SENP6: variants seen among roughly 807,000 people sequenced by gnomAD.
SENP6 encodes SUMO specific peptidase 6.
A neutral mutation model predicts 134.5 loss-of-function variants in SENP6; 41 were observed. The observed-to-expected ratio is 0.30, with a 90% confidence interval of 0.24 to 0.40. The LOEUF (loss-of-function observed/expected upper bound fraction) is 0.40. Among genes scored for constraint, SENP6 ranks in the 10% least tolerant of loss-of-function variants. The pLI is 1.00. For missense variants in SENP6, 1,248 were observed against 1,312.5 expected, an observed-to-expected ratio of 0.95 and a Z score of 0.76; for synonymous variants, 395 against 429.8, an observed-to-expected ratio of 0.92 and a Z score of 1.00.
chr6:75,673,846 C>T (rs902062014), intron 11 of SENP6, among the ~76,000 whole-genome samples: 2 of 151,650 alleles, frequency 1.3e-5, no homozygotes, highest in Non-Finnish European at 2.9e-5. Context: ...CATGGTAAAA[C>T]CCCATCTCTA....
intron 9 of SENP6, among the ~76,000 whole-genome samples, chr6:75,665,129 A>G (rs1253975569): frequency 6.6e-6 from 1 of 152,046 alleles, no homozygotes; most frequent in Non-Finnish European, 1.5e-5. Context: ...TACTAAAAAT[A>G]TAAAAAATTA....
At chr6:75,630,345 C>T (rs1393413413) in intron 3 of SENP6, among the ~76,000 whole-genome samples, 1 of 152,162 alleles carries the variant, frequency 6.6e-6, no homozygotes, top group Non-Finnish European at 1.5e-5. Context: ...GCTGGGATTA[C>T]AGGTTTGAGC....
In SENP6 at chr6:75,624,368, A is replaced by C. The variant is rs553033161; in HGVS notation, c.207+408A>C. Among the ~76,000 whole-genome samples, 22 of 152,268 alleles carry C rather than the reference A, an allele frequency of 1.4e-4. 1 individual carries two copies. In the South Asian group the frequency reaches 3.5e-3, roughly 24 times the overall value. ...TGTCAACTTTTTAATTTTTTTCTAA[A>C]ATAATCTGTAAATTAGCCTTCTATA... On this transcript the variant is annotated intron_variant, in intron 3 of 23. Coordinates refer to ENST00000447266, the MANE Select transcript of SENP6 (RefSeq NM_015571.4).
At chr6:75,673,742 T>C (rs898318803) in intron 11 of SENP6, among the ~76,000 whole-genome samples, 1 of 152,106 alleles carries the variant, frequency 6.6e-6, no homozygotes, top group African/African-American at 2.4e-5. Context: ...AAATGCTTTA[T>C]GTCAGCCAGG....
chr6:75,667,738 C>T (rs1350743984), intron 10 of SENP6, among the ~76,000 whole-genome samples: 1 of 152,084 alleles, frequency 6.6e-6, no homozygotes, highest in Non-Finnish European at 1.5e-5. Flanking sequence ...ACTCCATCTT[C>T]CCCAGTACGT....
In SENP6 at chr6:75,702,513, C is replaced by T. The variant is rs140329129; in HGVS notation, c.2289-132C>T. On this transcript the variant is annotated intron_variant, in intron 18 of 23. Transcript: ENST00000447266. ...GATTACTGGCGTGAGCTACTGCGCCCGGCCAGAATTAGGCATTTTTAATAA... is the reference window on the plus strand; with the variant it reads ...GATTACTGGCGTGAGCTACTGCGCCTGGCCAGAATTAGGCATTTTTAATAA... The T allele has an allele frequency of 1.2e-3, 1,028 of 874,090 alleles. 7 individuals carry two copies. In the African/African-American group the frequency reaches 0.015, roughly 12 times the overall value. The allele number at this position is 874,090 out of a possible 1,614,324, so 54.1% of individuals were successfully genotyped here. A position where few individuals can be genotyped will look rare whatever the true frequency, so the allele number is the denominator to read the frequency against.
At chr6:75,608,513 GGAAA>G (rs1266154330) in intron 1 of SENP6, among the ~76,000 whole-genome samples, 24 of 150,200 alleles carry the variant, frequency 1.6e-4, no homozygotes, top group African/African-American at 4.4e-4. Flanking sequence ...AAAGGAGGAA[GGAAA>G]GAAAGAAGGA....
Position 75,669,297 on chromosome 6 carries a change from G to A in SENP6, c.1225-1256G>A, listed in dbSNP as rs372060537. Among the ~76,000 whole-genome samples, 33 of 152,148 alleles carry A rather than the reference G, an allele frequency of 2.2e-4. No individual in the cohort carries two copies. In the East Asian group the frequency reaches 4.6e-3, roughly 21 times the overall value. ...AACCCCCTAGGGAGGTGGAGGTTGC[G>A]GTGAGCTGAGATCATGCCACTGCAC... On this transcript the variant is annotated intron_variant, in intron 10 of 23. Transcript: ENST00000447266.
rs187145099 is a variant in SENP6, at chr6:75,622,795, C to G, written c.147-1105C>G. 3.1e-6 allele frequency: 4 copies of G among 1,289,122 alleles called. No homozygotes were observed. The Admixed American group carries it at 9.2e-5, about 30-fold the overall frequency. 79.9% of individuals were successfully genotyped at this position (1,289,122 alleles called of 1,614,324 possible). A position where few individuals can be genotyped will look rare whatever the true frequency, so the allele number is the denominator to read the frequency against. ...GCAACAGCTCCGTTCATCATTACCA[C>G]TTTATGTGCCTTCACCGATGAGATG... On this transcript the variant is annotated intron_variant, in intron 2 of 23. Coordinates refer to ENST00000447266, the MANE Select transcript of SENP6 (RefSeq NM_015571.4).
intron 9 of SENP6, among the ~76,000 whole-genome samples, chr6:75,666,222 TATATATAAAATATG>T (rs1007433968): frequency 7.7e-5 from 11 of 143,470 alleles, no homozygotes; most frequent in Non-Finnish European, 7.6e-5. Flanking sequence ...ATAAGTATGA[TATATATAAAATATG>T]ATATATAAAA....
At position 75,677,209 on chromosome 6, in the gene SENP6, G is replaced by C; in HGVS notation, c.1801G>C (p.Glu601Gln). 1 of 1,607,470 alleles carries C rather than the reference G, an allele frequency of 6.2e-7. No homozygotes were observed. Among genetic ancestry groups the C allele is most frequent in the East Asian group, 2.2e-5 (1 of 44,732 alleles). The change falls in exon 14 of 24, where the codon GAG (glutamate) becomes CAG (glutamine). Residue 601 changes from glutamate (E) to glutamine (Q), a missense_variant. By Grantham distance (29) the Glu-to-Gln change is conservative. Around this residue, in one of 3 missense-constraint regions of SENP6, gnomAD observed 733 missense variants for 725.4 expected, o/e 1.01. Coordinates refer to ENST00000447266, the MANE Select transcript of SENP6 (RefSeq NM_015571.4). The part of the protein sequence containing the change: ...RLVACTRTYE[E>Q]SIKGSCGQKE... ...TGTTGCCTGTACAAGAACCTATGAA[G>C]AGAGCATCAAAGGAAGTTGTGGGCA...
intron 5 of SENP6, among the ~76,000 whole-genome samples, chr6:75,638,608 ATATATATATATATATTTTTTTT>A (rs1467152564): frequency 1.4e-3 from 59 of 43,572 alleles, no homozygotes; most frequent in Admixed American, 1.8e-3. Flanking sequence ...ATATATATAT[ATATATATATATATATTTTTTTT>A]TTTTTTTTTT....
In SENP6 at chr6:75,680,161, A is replaced by T. The variant is rs1056580059; in HGVS notation, c.2075+1234A>T. Among the ~76,000 whole-genome samples, 4 of 152,222 alleles carry T rather than the reference A, an allele frequency of 2.6e-5. No homozygotes were observed. The East Asian group carries it at 7.7e-4, about 29-fold the overall frequency. On this transcript the variant is annotated intron_variant, in intron 16 of 23. Transcript: ENST00000447266. ...ATAGAATTAGTAGTACTCCAGGACT[A>T]ATTAAGTGGATATTAAGGAGGAGAG...
At position 75,675,439 on chromosome 6, in the gene SENP6, G is replaced by A; in HGVS notation, c.1397G>A (p.Cys466Tyr). ...CTAATTCATCTTTTTTTTTAGTTTT[G>A]TTTAGATTTTATCAAGATACAGCTA... ...FRLLIEPVIF[C>Y]LDFIKIQLDE... The change falls in exon 12 of 24, where the codon TGT becomes TAT. Residue 466 changes from cysteine to tyrosine, a missense_variant. By Grantham distance (194) the Cys-to-Tyr change is radical. Coordinates refer to ENST00000447266, the MANE Select transcript of SENP6 (RefSeq NM_015571.4). 1 of 1,441,092 alleles carries A rather than the reference G, an allele frequency of 6.9e-7. No homozygotes were observed. The highest frequency in any genetic ancestry group is 9.5e-7 in the Non-Finnish European group (1 of 1,050,634). 89.3% of individuals were successfully genotyped at this position (1,441,092 alleles called of 1,614,324 possible). A position where few individuals can be genotyped will look rare whatever the true frequency, so the allele number is the denominator to read the frequency against.
chr6:75,648,323 A>G (rs1449065310), intron 7 of SENP6, among the ~76,000 whole-genome samples: 1 of 152,166 alleles, frequency 6.6e-6, no homozygotes, highest in Non-Finnish European at 1.5e-5. Context: ...GGCAAATAAC[A>G]TTTATAAAAA....
At chr6:75,709,756 G>C in intron 20 of SENP6, 126 bp downstream of exon 20, 1 of 546,196 alleles carries the variant, frequency 1.8e-6, no homozygotes, top group Non-Finnish European at 3.2e-6. Context: ...GATCTCTTGA[G>C]CCTAGGAGTT....
chr6:75,651,115 T>G (rs1048362970), intron 7 of SENP6, among the ~76,000 whole-genome samples: 1 of 152,184 alleles, frequency 6.6e-6, no homozygotes, highest in African/African-American at 2.4e-5. Context: ...TTTAGTTGCT[T>G]TAAAAATTTT....
At chr6:75,701,828 C>T (rs1007409102) in intron 18 of SENP6, among the ~76,000 whole-genome samples, 6 of 151,824 alleles carry the variant, frequency 4.0e-5, no homozygotes, top group African/African-American at 1.2e-4. Context: ...TTAGTAGAGA[C>T]GGGGTTTCAC....
chr6:75,652,683 C>CAAAAAAAAACAAAAAAAAAAAAAA (rs1770968332), intron 7 of SENP6, among the ~76,000 whole-genome samples: 1 of 75,856 alleles, frequency 1.3e-5, no homozygotes, highest in Non-Finnish European at 2.3e-5. Flanking sequence ...CTAAAAATCT[C>CAAAAAAAAACAAAAAAAAAAAAAA]AAAAAAAAAA....
Sources: allele counts gnomAD v4.1 joint callset (sites outside exome capture counted in the v4.1 genomes callset), GRCh38; gene constraint gnomAD v4.1.1; regional missense constraint gnomAD v4.1.1; transcripts MANE v1.5; gene names NCBI Gene and HGNC (gene_info 2026-07-23, HGNC 2026-07-21).